Variants in ATP8B4 observed in about 807,000 individuals in gnomAD.
The protein encoded by ATP8B4 is probable phospholipid-transporting ATPase IM.
Under a neutral mutation model 145.6 loss-of-function variants are expected in ATP8B4, and 133 were observed. The ratio of observed to expected loss-of-function variants is 0.91; its 90% CI spans 0.79 to 1.05. ATP8B4 has a LOEUF of 1.05. Among genes scored for constraint, ATP8B4 ranks in the 50% least tolerant of loss-of-function variants. The pLI, the probability that ATP8B4 is intolerant of heterozygous loss-of-function variation, is 0.00. For missense variants in ATP8B4, 1,458 were observed against 1,425.2 expected (o/e 1.02, Z -0.37); for synonymous variants, 507 against 492.9 (o/e 1.03, Z -0.38).
chr15:49,881,005 G>A (rs537452837), intron 23 of ATP8B4, among the ~76,000 whole-genome samples: 4 of 152,180 alleles, frequency 2.6e-5, no homozygotes, highest in African/African-American at 7.2e-5. Context: ...CCAGCTACTC[G>A]GGAGGCTGAG....
chr15:50,018,851 T>C (rs546469983), intron 6 of ATP8B4: 30 of 931,338 alleles, frequency 3.2e-5, no homozygotes, highest in Non-Finnish European at 4.3e-5. Context: ...GGGTAAAATA[T>C]CTCTACTCTC....
intron 1 of ATP8B4, among the ~76,000 whole-genome samples, chr15:50,143,971 T>C (rs2044244583): frequency 6.6e-6 from 1 of 152,140 alleles, no homozygotes; most frequent in African/African-American, 2.4e-5. Flanking sequence ...AAGGATGACA[T>C]GTAAGGATCA....
chr15:50,073,019 T>TACACACACACAC (rs373934302), intron 3 of ATP8B4, among the ~76,000 whole-genome samples: 8 of 32,446 alleles, frequency 2.5e-4, no homozygotes, highest in East Asian at 1.3e-3. Flanking sequence ...TATATATATA[T>TACACACACACAC]ACACACACAC....
intron 5 of ATP8B4, among the ~76,000 whole-genome samples, chr15:50,041,299 C>A (rs988134238): frequency 6.6e-6 from 1 of 152,178 alleles, no homozygotes; most frequent in Non-Finnish European, 1.5e-5. Flanking sequence ...GCTCATAGCC[C>A]GTTCCTCAGA....
chr15:49,886,369 C>T (rs2036188465), intron 23 of ATP8B4, among the ~76,000 whole-genome samples: 1 of 152,032 alleles, frequency 6.6e-6, no homozygotes, highest in African/African-American at 2.4e-5. Context: ...AAAGACACTG[C>T]TCAATAAGTG....
intron 1 of ATP8B4, among the ~76,000 whole-genome samples, chr15:50,178,741 T>A (rs1235876226): frequency 2.0e-5 from 3 of 152,226 alleles, no homozygotes; most frequent in Non-Finnish European, 4.4e-5. Context: ...ATTGTTACTG[T>A]CTTTAAAATT....
At chr15:49,882,495 C>G (rs1253028254) in intron 23 of ATP8B4, among the ~76,000 whole-genome samples, 1 of 152,176 alleles carries the variant, frequency 6.6e-6, no homozygotes, top group Non-Finnish European at 1.5e-5. Context: ...AAACATCCTT[C>G]AAGTGTGGGA....
chr15:50,153,648 T>C (rs1378294144), intron 1 of ATP8B4, among the ~76,000 whole-genome samples: 1 of 150,146 alleles, frequency 6.7e-6, no homozygotes, highest in African/African-American at 2.5e-5. Context: ...AGACACACCT[T>C]AAGGGGAGAA....
At chr15:50,085,958 T>TATATATATGATATATATC (rs2054953696) in intron 2 of ATP8B4, among the ~76,000 whole-genome samples, 5 of 29,238 alleles carry the variant, frequency 1.7e-4, no homozygotes, top group African/African-American at 7.1e-4. Flanking sequence ...ATATATCATA[T>TATATATATGATATATATC]ATATTTATAT....
chr15:50,111,639 T>G (rs949805634), intron 1 of ATP8B4, among the ~76,000 whole-genome samples: 1 of 152,208 alleles, frequency 6.6e-6, no homozygotes, highest in African/African-American at 2.4e-5. Context: ...CGCCCTGTTC[T>G]TGGATTCCTG....
chr15:50,089,673 C>CT (rs1431340257), intron 2 of ATP8B4, among the ~76,000 whole-genome samples: 3 of 150,776 alleles, frequency 2.0e-5, no homozygotes, highest in African/African-American at 4.9e-5. Flanking sequence ...TTCTTTCTTT[C>CT]TTTTTTTTGA....
intron 6 of ATP8B4, among the ~76,000 whole-genome samples, chr15:50,026,810 T>A (rs118116999): frequency 5.9e-5 from 9 of 152,256 alleles, no homozygotes; most frequent in Admixed American, 1.3e-4. Context: ...TTCTCACTGC[T>A]GTGTTGCCCA....
chr15:50,004,757 G>A (rs1276572729), intron 7 of ATP8B4, among the ~76,000 whole-genome samples: 1 of 139,462 alleles, frequency 7.2e-6, no homozygotes, highest in Non-Finnish European at 1.5e-5. Flanking sequence ...GTAAGGGTAG[G>A]AGCCAGGATT....
chr15:49,864,351 C>T (rs2032406797), intron 26 of ATP8B4, among the ~76,000 whole-genome samples: 1 of 152,166 alleles, frequency 6.6e-6, no homozygotes, highest in Non-Finnish European at 1.5e-5. Flanking sequence ...TCTTATTTTG[C>T]TTTCTACATA....
chr15:50,016,929 G>A (rs1026363706), intron 6 of ATP8B4, among the ~76,000 whole-genome samples: 2 of 152,112 alleles, frequency 1.3e-5, no homozygotes, highest in Non-Finnish European at 2.9e-5. Flanking sequence ...AGGGGCAGTG[G>A]GCAGGGGAGG....
At chr15:50,019,204 C>T (rs1045183901) in intron 6 of ATP8B4, among the ~76,000 whole-genome samples, 2 of 152,070 alleles carry the variant, frequency 1.3e-5, no homozygotes, top group Non-Finnish European at 2.9e-5. Flanking sequence ...GAATATTGGC[C>T]CCCTTGTTTA....
intron 5 of ATP8B4, among the ~76,000 whole-genome samples, chr15:50,039,298 C>T (rs905798999): frequency 1.3e-5 from 2 of 152,174 alleles, no homozygotes; most frequent in African/African-American, 2.4e-5. Context: ...TCTCCAGAAA[C>T]TCTAATTGTT....
chr15:50,130,179 G>T (rs1441126208), intron 1 of ATP8B4, among the ~76,000 whole-genome samples: 1 of 152,062 alleles, frequency 6.6e-6, no homozygotes, highest in Non-Finnish European at 1.5e-5. Flanking sequence ...GGTCTTAACT[G>T]CATTCTCACT....
At chr15:49,981,331 A>G (rs753473002) in intron 10 of ATP8B4, 37 bp from the exon 11 acceptor site, 1 of 1,458,478 alleles carries the variant, frequency 6.9e-7, no homozygotes, top group Admixed American at 1.8e-5. Flanking sequence ...CTTTGAAATG[A>G]TATGATTATG....
Sources: allele counts gnomAD v4.1 joint callset (sites outside exome capture counted in the v4.1 genomes callset), GRCh38; gene constraint gnomAD v4.1.1; transcripts MANE v1.5; gene names NCBI Gene and HGNC (gene_info 2026-07-23, HGNC 2026-07-21).